ROR1: variants seen among roughly 807,000 people sequenced by gnomAD.
ROR1 encodes inactive tyrosine-protein kinase transmembrane receptor ROR1.
ROR1 carries 19 observed loss-of-function variants against 78.8 expected under a neutral mutation model. The observed-to-expected ratio is 0.24, with a 90% CI of 0.17 to 0.35. ROR1 has a LOEUF of 0.35. ROR1 is among the 10% of genes least tolerant of loss of function. ROR1 has a pLI of 1.00. For synonymous variants in ROR1, 386 were observed against 433.6 expected (o/e 0.89, Z 1.36); for missense variants, 917 against 1,177.8 (o/e 0.78, Z 3.24).
chr1:63,920,654 T>G (rs1645646941), intron 1 of ROR1, among the ~76,000 whole-genome samples: 1 of 152,240 alleles, frequency 6.6e-6, no homozygotes, highest in Non-Finnish European at 1.5e-5. Flanking sequence ...AAACATAGTT[T>G]ACATACCAAC....
chr1:64,054,252 C>T (rs1189870309), intron 4 of ROR1, among the ~76,000 whole-genome samples: 1 of 152,124 alleles, frequency 6.6e-6, no homozygotes, highest in Non-Finnish European at 1.5e-5. Context: ...CTGCACCTGG[C>T]CTGAACAAAT....
intron 1 of ROR1, among the ~76,000 whole-genome samples, chr1:63,928,875 C>T (rs750668396): frequency 6.6e-6 from 1 of 152,180 alleles, no homozygotes; most frequent in Non-Finnish European, 1.5e-5. Context: ...GGCTGTGCTG[C>T]GGACTGCTCT....
At chr1:63,904,975 C>G (rs1335178920) in intron 1 of ROR1, among the ~76,000 whole-genome samples, 1 of 152,124 alleles carries the variant, frequency 6.6e-6, no homozygotes, top group South Asian at 2.1e-4. Context: ...GGATCGCACA[C>G]CCAGGCTGGT....
At chr1:64,023,091 A>G (rs529650965) in intron 2 of ROR1, among the ~76,000 whole-genome samples, 2 of 152,304 alleles carry the variant, frequency 1.3e-5, no homozygotes, top group South Asian at 2.1e-4. Flanking sequence ...AGGATTCCCA[A>G]TAGGAATCAA....
chr1:63,839,808 T>A (rs1428751624), intron 1 of ROR1, among the ~76,000 whole-genome samples: 2 of 152,178 alleles, frequency 1.3e-5, no homozygotes, highest in East Asian at 3.8e-4. Context: ...TTTCTTTTCT[T>A]TTATTTCTTT....
chr1:63,834,336 A>T (rs1485121190), intron 1 of ROR1, among the ~76,000 whole-genome samples: 3 of 152,124 alleles, frequency 2.0e-5, no homozygotes, highest in Non-Finnish European at 4.4e-5. Flanking sequence ...AAGTAATTAT[A>T]CTGAGTGTTT....
At chr1:64,056,293 G>A (rs1411777241) in intron 4 of ROR1, among the ~76,000 whole-genome samples, 1 of 151,974 alleles carries the variant, frequency 6.6e-6, no homozygotes, top group Admixed American at 6.6e-5. Context: ...TTTGCAGAAG[G>A]ATAGTATATG....
chr1:63,815,329 C>T (rs867336748), intron 1 of ROR1, among the ~76,000 whole-genome samples: 3 of 151,916 alleles, frequency 2.0e-5, no homozygotes, highest in Non-Finnish European at 2.9e-5. Flanking sequence ...TTCAAATATA[C>T]ATTTTTGGAT....
At chr1:64,059,736 C>T (rs903030512) in intron 4 of ROR1, among the ~76,000 whole-genome samples, 4 of 149,286 alleles carry the variant, frequency 2.7e-5, no homozygotes, top group African/African-American at 9.9e-5. Context: ...AGAGATGTCT[C>T]TACTCAGTTA....
intron 4 of ROR1, among the ~76,000 whole-genome samples, chr1:64,067,710 C>CTTTTTATTTTTTTTTTTTTTTTTTTTTT (rs1646968794): frequency 9.5e-6 from 1 of 105,698 alleles, no homozygotes; most frequent in African/African-American, 4.3e-5. Flanking sequence ...TAAATAAATT[C>CTTTTTATTTTTTTTTTTTTTTTTTTTTT]TTTTTTTTTT....
chr1:63,855,964 C>T (rs1645146146), intron 1 of ROR1, among the ~76,000 whole-genome samples: 1 of 151,992 alleles, frequency 6.6e-6, no homozygotes, highest in Non-Finnish European at 1.5e-5. Flanking sequence ...GCTGATGTAG[C>T]TCTTTTTCAT....
At chr1:63,908,438 C>T (rs1255031963) in intron 1 of ROR1, among the ~76,000 whole-genome samples, 2 of 152,124 alleles carry the variant, frequency 1.3e-5, no homozygotes, top group Non-Finnish European at 2.9e-5. Context: ...TATTTTATTA[C>T]ACAGGCAAAA....
intron 1 of ROR1, among the ~76,000 whole-genome samples, chr1:63,909,663 G>A (rs1645554508): frequency 6.6e-6 from 1 of 152,130 alleles, no homozygotes; most frequent in African/African-American, 2.4e-5. Context: ...TTTTCTCAGG[G>A]TGAGGCACTG....
chr1:63,794,299 C>T (rs573020766), intron 1 of ROR1, among the ~76,000 whole-genome samples: 5 of 152,216 alleles, frequency 3.3e-5, no homozygotes, highest in South Asian at 2.1e-4. Flanking sequence ...ACAATGCTGA[C>T]GGTCACTGGC....
intron 4 of ROR1, among the ~76,000 whole-genome samples, chr1:64,102,467 C>T (rs2100659050): frequency 6.6e-6 from 1 of 152,256 alleles, no homozygotes; most frequent in East Asian, 1.9e-4. Flanking sequence ...TCCCTCAGAG[C>T]TTACATTGAT....
At chr1:64,153,471 T>C (rs1487720078) in intron 7 of ROR1, among the ~76,000 whole-genome samples, 2 of 152,228 alleles carry the variant, frequency 1.3e-5, no homozygotes, top group Non-Finnish European at 2.9e-5. Flanking sequence ...TGCAGCATTA[T>C]TCATGATAGC....
At chr1:63,901,308 C>T (rs544986343) in intron 1 of ROR1, among the ~76,000 whole-genome samples, 1 of 152,280 alleles carries the variant, frequency 6.6e-6, no homozygotes, top group South Asian at 2.1e-4. Context: ...CACCGATCAC[C>T]TACAGGTGTG....
chr1:64,044,368 A>G (rs1646767963), intron 2 of ROR1, among the ~76,000 whole-genome samples: 1 of 152,114 alleles, frequency 6.6e-6, no homozygotes, highest in Non-Finnish European at 1.5e-5. Context: ...TACCCATCCT[A>G]ATTGTGCAAA....
chr1:64,041,627 T>C (rs1378264845), intron 2 of ROR1, among the ~76,000 whole-genome samples: 1 of 152,172 alleles, frequency 6.6e-6, no homozygotes, highest in Non-Finnish European at 1.5e-5. Context: ...TTAATGTGTG[T>C]GTGTTCTCTC....
Sources: allele counts gnomAD v4.1 joint callset (sites outside exome capture counted in the v4.1 genomes callset), GRCh38; gene constraint gnomAD v4.1.1; transcripts MANE v1.5; gene names NCBI Gene and HGNC (gene_info 2026-07-23, HGNC 2026-07-21).